ROBO2: variants seen among roughly 807,000 people sequenced by gnomAD.
ROBO2 encodes the protein roundabout guidance receptor 2.
In ROBO2, 53 loss-of-function variants were observed where a neutral mutation model predicts 160.8. The ratio of observed to expected loss-of-function variants is 0.33; its 90% confidence interval spans 0.26 to 0.41. The LOEUF (loss-of-function observed/expected upper bound fraction) is 0.41. Ranked by LOEUF, ROBO2 falls within the 10% of genes least tolerant of loss-of-function variation. The probability of loss-of-function intolerance (pLI) is 1.00; values close to 1 mark genes in which losing one functional copy is unlikely to be tolerated. For synonymous variants in ROBO2, 664 were observed against 611.7 expected, an observed-to-expected ratio of 1.09 and a Z score of -1.26; for missense variants, 1,577 against 1,722.4, an observed-to-expected ratio of 0.92 and a Z score of 1.49.
intron 2 of ROBO2, among the ~76,000 whole-genome samples, chr3:76,168,487 C>G (rs552960660): frequency 1.3e-5 from 2 of 152,054 alleles, no homozygotes; most frequent in South Asian, 4.2e-4. Context: ...ATTGTCAGTT[C>G]TTCTTAGGTA....
At chr3:77,080,436 G>A (rs1030804409) in intron 1 of ROBO2, among the ~76,000 whole-genome samples, 1 of 152,166 alleles carries the variant, frequency 6.6e-6, no homozygotes, top group Admixed American at 6.5e-5. Context: ...AACAGTTTGT[G>A]TTGTTCGTAC....
rs181716067 is a variant in ROBO2, at chr3:77,473,782, T to C, written c.389-3632T>C. On this transcript the variant is annotated intron_variant, in intron 2 of 25. Coordinates refer to ENST00000461745, the Ensembl canonical transcript of ROBO2. ...CAGGCTGCTCTTTGTTAGAAATTAT[T>C]TGGGGCTGTTTTTTGTTAAAAGGGA... Among the ~76,000 whole-genome samples the C allele has an allele frequency of 3.7e-3, 563 of 152,216 alleles. 10 individuals are homozygous for C. The highest frequency in any genetic ancestry group is 3.8e-3 in the Admixed American group (58 of 15,296).
At chr3:77,611,090 A>G (rs1219680207) in intron 21 of ROBO2, among the ~76,000 whole-genome samples, 1 of 152,024 alleles carries the variant, frequency 6.6e-6, no homozygotes, top group Non-Finnish European at 1.5e-5. Flanking sequence ...CGAGGTCAAG[A>G]GATCGAGACC....
At position 76,963,976 on chromosome 3, in the gene ROBO2, G is replaced by T. The variant is rs533694780; in HGVS notation, c.110-134038G>T. 2.6e-5 allele frequency among the ~76,000 whole-genome samples: 4 copies of T among 152,176 alleles called. No individual in the cohort carries two copies. The East Asian group carries it at 7.7e-4, about 29-fold the overall frequency. ...TCTGTTCCTGTCTCCAGGACCAAAT[G>T]AACTCAAGGCTAATTACAGAGACAA... On this transcript the variant is annotated intron_variant, in intron 2 of 26. Coordinates refer to the ROBO2 transcript ENST00000487694.
At chr3:76,597,738 C>A (rs1311929625) in intron 2 of ROBO2, among the ~76,000 whole-genome samples, 1 of 150,114 alleles carries the variant, frequency 6.7e-6, no homozygotes, top group Non-Finnish European at 1.5e-5. Flanking sequence ...TGTTCCCCTC[C>A]TTGTGTTCAT....
At chr3:76,926,024 A>G (rs1239640103) in intron 2 of ROBO2, among the ~76,000 whole-genome samples, 1 of 152,120 alleles carries the variant, frequency 6.6e-6, no homozygotes, top group Non-Finnish European at 1.5e-5. Context: ...GGCAGAATCT[A>G]TCTTTTGATT....
At chr3:76,930,865 C>T (rs1366249843) in intron 2 of ROBO2, among the ~76,000 whole-genome samples, 1 of 152,214 alleles carries the variant, frequency 6.6e-6, no homozygotes, top group African/African-American at 2.4e-5. Context: ...TCTACTCAGT[C>T]TTCCAATTCA....
intron 2 of ROBO2, among the ~76,000 whole-genome samples, chr3:76,019,465 G>A (rs956490405): frequency 1.3e-5 from 2 of 150,946 alleles, no homozygotes; most frequent in South Asian, 2.1e-4. Flanking sequence ...GAAGTTCCGT[G>A]TGTATCTGAG....
chr3:76,394,858 T>G (rs1049047372), intron 2 of ROBO2, among the ~76,000 whole-genome samples: 1 of 151,140 alleles, frequency 6.6e-6, no homozygotes, highest in African/African-American at 2.4e-5. Flanking sequence ...GAGACTTAGA[T>G]TCCCACACAA....
intron 2 of ROBO2, among the ~76,000 whole-genome samples, chr3:76,924,652 T>C (rs895577708): frequency 3.9e-5 from 6 of 152,208 alleles, no homozygotes; most frequent in Non-Finnish European, 8.8e-5. Flanking sequence ...GCTCTCCCAG[T>C]GCATATATAT....
chr3:77,129,211 A>G (rs1197739577), intron 2 of ROBO2, among the ~76,000 whole-genome samples: 1 of 152,004 alleles, frequency 6.6e-6, no homozygotes, highest in African/African-American at 2.4e-5. Context: ...TTACTTGTCA[A>G]GTAAAACTTG....
intron 2 of ROBO2, among the ~76,000 whole-genome samples, chr3:76,649,816 A>C (rs915199390): frequency 6.6e-6 from 1 of 152,184 alleles, no homozygotes; most frequent in African/African-American, 2.4e-5. Context: ...AAGAAAGAAC[A>C]AAAAAGAAGA....
intron 24 of ROBO2, among the ~76,000 whole-genome samples, chr3:77,639,586 G>C (rs1171963326): frequency 1.3e-5 from 2 of 152,180 alleles, no homozygotes; most frequent in Non-Finnish European, 2.9e-5. Context: ...TGAAGCTTGA[G>C]ACTTATTTGA....
chr3:76,010,555 T>A (rs912405300), intron 2 of ROBO2, among the ~76,000 whole-genome samples: 5 of 152,372 alleles, frequency 3.3e-5, no homozygotes, highest in Admixed American at 2.0e-4. Context: ...GAAAGCCATA[T>A]GGCATCAATT....
intron 2 of ROBO2, among the ~76,000 whole-genome samples, chr3:77,437,499 CA>C (rs1560830240): frequency 6.6e-6 from 1 of 151,758 alleles, no homozygotes; most frequent in Non-Finnish European, 1.5e-5. Context: ...TATTAATTAA[CA>C]ATTTATTTTT....
At chr3:77,296,326 C>G (rs1171162270) in intron 2 of ROBO2, among the ~76,000 whole-genome samples, 1 of 152,006 alleles carries the variant, frequency 6.6e-6, no homozygotes, top group Non-Finnish European at 1.5e-5. Context: ...AACGGGCAAG[C>G]TGAGGCTAGA....
At chr3:77,229,129 C>G (rs78562733) in intron 2 of ROBO2, among the ~76,000 whole-genome samples, 2,514 of 152,214 alleles carry the variant, frequency 0.017, 35 homozygotes, top group Non-Finnish European at 0.026. Flanking sequence ...CAAATGACAG[C>G]TACTGATATG....
intron 2 of ROBO2, among the ~76,000 whole-genome samples, chr3:76,116,749 G>A (rs1385561595): frequency 6.6e-6 from 1 of 152,140 alleles, no homozygotes; most frequent in Non-Finnish European, 1.5e-5. Context: ...ACTTTTGCAG[G>A]TGTTATACTG....
At chr3:76,118,179 T>C (rs1442430762) in intron 2 of ROBO2, among the ~76,000 whole-genome samples, 1 of 151,754 alleles carries the variant, frequency 6.6e-6, no homozygotes, top group African/African-American at 2.4e-5. Context: ...AGAAAAAAAA[T>C]AGATGAGTAA....
Sources: allele counts gnomAD v4.1 joint callset (sites outside exome capture counted in the v4.1 genomes callset), GRCh38; gene constraint gnomAD v4.1.1; transcripts MANE v1.5; gene names NCBI Gene and HGNC (gene_info 2026-07-23, HGNC 2026-07-21).